OPCML: variants seen among roughly 807,000 people sequenced by gnomAD.
The protein encoded by OPCML is opioid binding protein/cell adhesion molecule like, also known as opioid-binding protein/cell adhesion molecule.
OPCML carries 13 observed loss-of-function variants against 37.8 expected under a neutral mutation model. That is an observed-to-expected ratio of 0.34 (90% CI 0.22 to 0.55). The LOEUF is 0.55. OPCML is among the 20% of genes least tolerant of loss of function. The pLI is 0.91. For synonymous variants in OPCML, 176 were observed against 168.8 expected (o/e 1.04, Z -0.33); for missense variants, 341 against 435.6 (o/e 0.78, Z 1.93).
At chr11:132,617,738 T>C (rs894981308) in intron 3 of OPCML, among the ~76,000 whole-genome samples, 1 of 152,254 alleles carries the variant, frequency 6.6e-6, no homozygotes, top group African/African-American at 2.4e-5. Flanking sequence ...AGTGCCATCT[T>C]GCTGTGTCTT....
rs114862284 is a variant in OPCML at position 132,658,190 on chromosome 11, A to G, written c.147-871T>C. 3.7e-3 allele frequency among the ~76,000 whole-genome samples: 569 copies of G among 152,318 alleles called. 5 individuals are homozygous for G. The highest frequency in any genetic ancestry group is 0.013 in the African/African-American group (548 of 41,570). ...GGGAATGGAAGCATGAGGAAACAGA[A>G]TGCTTTCTAAGTGTGGAGGCACACC... is the stretch of plus-strand genomic sequence containing the variant. On this transcript the variant is annotated intron_variant, in intron 2 of 7. Transcript: ENST00000524381.
intron 2 of OPCML, among the ~76,000 whole-genome samples, chr11:132,762,768 G>A (rs1292559313): frequency 1.3e-5 from 2 of 152,128 alleles, no homozygotes; most frequent in African/African-American, 4.8e-5. Flanking sequence ...GGTGGGATCT[G>A]CTGAGCAAGC....
At chr11:132,564,523 G>A (rs572428325) in intron 3 of OPCML, among the ~76,000 whole-genome samples, 11 of 152,326 alleles carry the variant, frequency 7.2e-5, no homozygotes, top group African/African-American at 2.6e-4. Context: ...TGACTGACTA[G>A]TGGAGGTTGC....
intron 1 of OPCML, chr11:133,067,912 C>G (rs995394099): frequency 6.6e-6 from 1 of 152,122 alleles, no homozygotes; most frequent in African/African-American, 2.4e-5. Flanking sequence ...CAAGGCAGCC[C>G]CATGGTATCT....
intron 1 of OPCML, among the ~76,000 whole-genome samples, chr11:133,288,480 G>C (rs1474273872): frequency 1.1e-4 from 16 of 152,218 alleles, no homozygotes; most frequent in Non-Finnish European, 2.4e-4. Context: ...TAGAAAAAAA[G>C]TGGAGGCAGG....
At chr11:132,778,949 G>C (rs1205683890) in intron 2 of OPCML, among the ~76,000 whole-genome samples, 1 of 150,302 alleles carries the variant, frequency 6.7e-6, no homozygotes, top group Non-Finnish European at 1.5e-5. Context: ...ATTACACTGA[G>C]GTGGTATATT....
intron 1 of OPCML, among the ~76,000 whole-genome samples, chr11:133,224,775 C>T (rs567042866): frequency 6.6e-6 from 1 of 152,336 alleles, no homozygotes; most frequent in Admixed American, 6.5e-5. Flanking sequence ...AATGAAAGTA[C>T]AAATGGGGGT....
At chr11:132,532,374 G>A (rs771832430) in intron 3 of OPCML, among the ~76,000 whole-genome samples, 4 of 152,106 alleles carry the variant, frequency 2.6e-5, no homozygotes, top group Admixed American at 6.6e-5. Flanking sequence ...TGGCAGAAAG[G>A]GAAGTTCTTT....
intron 3 of OPCML, among the ~76,000 whole-genome samples, chr11:132,538,559 G>A (rs1021207378): frequency 1.1e-4 from 16 of 152,160 alleles, no homozygotes; most frequent in African/African-American, 3.6e-4. Context: ...TTTATAGTAC[G>A]TGAATTGTAT....
In OPCML at chr11:132,996,615, T is replaced by C. The variant is rs868019540; in HGVS notation, c.62-53605A>G. Among the ~76,000 whole-genome samples, 332 of 70,624 alleles carry C rather than the reference T, an allele frequency of 4.7e-3. 1 individual carries two copies. Among genetic ancestry groups the C allele is most frequent in the African/African-American group, 0.025 (326 of 12,966 alleles). 46.3% of individuals were successfully genotyped at this position (70,624 alleles called of 152,430 possible). Reference sequence around the variant, plus strand: ...GCCTGGGCAACAGAGAGAGGCTCCATCTCAAAAAAAAAAAAAAAAAATACT... The same window carrying C: ...GCCTGGGCAACAGAGAGAGGCTCCACCTCAAAAAAAAAAAAAAAAAATACT... On this transcript the variant is annotated intron_variant, in intron 1 of 7. Coordinates refer to ENST00000524381, the MANE Select transcript of OPCML (RefSeq NM_001012393.5).
intron 1 of OPCML, among the ~76,000 whole-genome samples, chr11:133,016,017 A>T (rs1321498879): frequency 6.6e-6 from 1 of 152,180 alleles, no homozygotes; most frequent in East Asian, 1.9e-4. Flanking sequence ...AAATACTTAC[A>T]TATTAATTGG....
At chr11:133,403,196 A>G (rs2136843704) in intron 1 of OPCML, among the ~76,000 whole-genome samples, 1 of 152,300 alleles carries the variant, frequency 6.6e-6, no homozygotes, top group East Asian at 1.9e-4. Context: ...CTGTCTTATC[A>G]TTAGTGACAT....
rs189880025 is a variant in OPCML, at chr11:132,762,547, C to T, written c.147-105228G>A. On this transcript the variant is annotated intron_variant, in intron 2 of 7. Transcript: ENST00000524381. ...ATCTAGAGAGGCAGTCTGGCTACAG[C>T]GACTTTGCCACATTGCAGTGGGTTC... 2.2e-3 allele frequency among the ~76,000 whole-genome samples: 331 copies of T among 152,300 alleles called. 2 individuals are homozygous for T. Among genetic ancestry groups the T allele is most frequent in the African/African-American group, 7.5e-3 (311 of 41,570 alleles).
At chr11:133,123,324 C>A (rs1317102608) in intron 1 of OPCML, among the ~76,000 whole-genome samples, 1 of 152,080 alleles carries the variant, frequency 6.6e-6, no homozygotes, top group African/African-American at 2.4e-5. Context: ...TAAACAGAGA[C>A]CCTGGGTGAA....
chr11:133,346,875 T>C (rs1474793596), intron 1 of OPCML, among the ~76,000 whole-genome samples: 1 of 152,156 alleles, frequency 6.6e-6, no homozygotes, highest in African/African-American at 2.4e-5. Flanking sequence ...TCTGTGTGAG[T>C]TTTTTGTTGT....
At chr11:133,097,250 G>A (rs1949016251) in intron 1 of OPCML, among the ~76,000 whole-genome samples, 1 of 152,084 alleles carries the variant, frequency 6.6e-6, no homozygotes. Context: ...GAAGATCACT[G>A]GAAAAATCTT....
rs68143578 is a variant in OPCML, at chr11:132,441,165, GTTT to G, written c.506-3809_506-3807del. Among the ~76,000 whole-genome samples, 13 of 72,398 alleles carry G rather than the reference GTTT, an allele frequency of 1.8e-4. 1 individual carries two copies. The highest frequency in any genetic ancestry group is 2.7e-4 in the Non-Finnish European group (12 of 44,024). 47.5% of individuals were successfully genotyped at this position (72,398 alleles called of 152,430 possible). A position where few individuals can be genotyped will look rare whatever the true frequency, so the allele number is the denominator to read the frequency against. ...AGATGTGTTCACCAAGGACTTTTTT[GTTT>G]TTTTTTTTTTTTTTTTTGAGACGGA... On this transcript the variant is annotated intron_variant, in intron 4 of 7. Transcript: ENST00000524381.
At chr11:133,373,448 T>TACACACACAC (rs1555147606) in intron 1 of OPCML, among the ~76,000 whole-genome samples, 1 of 132,172 alleles carries the variant, frequency 7.6e-6, no homozygotes, top group African/African-American at 3.1e-5. Flanking sequence ...TATATATATA[T>TACACACACAC]ACACACACAC....
rs531225285 is a variant in OPCML, at chr11:133,423,118, C to T, written c.61+109146G>A. ...AATTGAGAAATGGGCTTCTATTTGC[C>T]TTTCAGGATCTTATAACCATTCATC... On this transcript the variant is annotated intron_variant, in intron 1 of 7. Transcript: ENST00000524381. The T allele has an allele frequency of 2.6e-5, 26 of 985,314 alleles. No homozygotes were observed. The South Asian group carries it at 1.1e-3, about 41-fold the overall frequency. 61.0% of individuals were successfully genotyped at this position (985,314 alleles called of 1,614,324 possible). A position where few individuals can be genotyped will look rare whatever the true frequency, so the allele number is the denominator to read the frequency against.
Sources: gnomAD v4.1 joint callset for allele counts (sites outside exome capture counted in the v4.1 genomes callset) on GRCh38, gnomAD v4.1.1 for gene constraint, MANE v1.5 for transcripts, NCBI Gene and HGNC (gene_info 2026-07-23, HGNC 2026-07-21) for gene names.